The following ACACB variants were observed in gnomAD, a reference collection of about 807,000 sequenced individuals.
ACACB encodes the protein acetyl-CoA carboxylase 2.
In ACACB, 209 loss-of-function variants were observed where a neutral mutation model predicts 278.8. That is an observed-to-expected ratio of 0.75 (90% CI 0.67 to 0.84). ACACB has a LOEUF of 0.84. Ranked by LOEUF, ACACB falls within the 40% of genes least tolerant of loss-of-function variation. The probability of loss-of-function intolerance (pLI) is 0.00; values close to 1 mark genes in which losing one functional copy is unlikely to be tolerated. For synonymous variants in ACACB, 1,174 were observed against 1,285.6 expected (o/e 0.91, Z 1.86); for missense variants, 2,850 against 3,269.0 (o/e 0.87, Z 3.13).
intron 31 of ACACB, among the ~76,000 whole-genome samples, chr12:109,234,762 G>A (rs2046583422): frequency 6.6e-6 from 1 of 151,734 alleles, no homozygotes; most frequent in African/African-American, 2.4e-5. Flanking sequence ...AGAACACATG[G>A]GCAGAGGGAG....
chr12:109,202,135 T>TCC, intron 19 of ACACB, among the ~76,000 whole-genome samples: 1 of 152,242 alleles, frequency 6.6e-6, no homozygotes, highest in Non-Finnish European at 1.5e-5. Context: ...TCCAATGTCT[T>TCC]CCCCTCAATG....
chr12:109,225,495 A>G (rs1190493173), intron 27 of ACACB, among the ~76,000 whole-genome samples: 2 of 152,216 alleles, frequency 1.3e-5, no homozygotes, highest in Non-Finnish European at 2.9e-5. Flanking sequence ...GGCTCCCCAG[A>G]GTGCTGGGAT....
intron 35 of ACACB, among the ~76,000 whole-genome samples, chr12:109,240,503 TA>T (rs1172503799): frequency 1.3e-5 from 2 of 150,614 alleles, no homozygotes; most frequent in African/African-American, 2.4e-5. Flanking sequence ...CTAAAAATTT[TA>T]AAAATTAAAA....
rs1010433842 is a variant in ACACB, at chr12:109,145,816, C to T, written c.653+5758C>T. ...GAGTTTGAGACCAGCCTGGCCAACA[C>T]GGCAAAACCCCATCTCTACTAAAAA... On this transcript the variant is annotated intron_variant, in intron 2 of 52. Coordinates refer to ENST00000338432, the MANE Select transcript of ACACB (RefSeq NM_001093.4). Among the ~76,000 whole-genome samples, 15 of 150,818 alleles carry T rather than the reference C, an allele frequency of 9.9e-5. No individual in the cohort carries two copies. The South Asian group carries it at 1.7e-3, about 17-fold the overall frequency.
Position 109,191,908 on chromosome 12 carries a change from T to A in ACACB, c.2357T>A (p.Met786Lys), listed in dbSNP as rs2044904181. Reference protein sequence around the residue: ...VCGALNVADAMFRTCMTDFLH... With the variant: ...VCGALNVADAKFRTCMTDFLH... ...GGGGCCTTGAACGTGGCCGATGCGA[T>A]GTTCAGAACGTGCATGACAGATTTC... The change falls in exon 15 of 53, where the codon ATG becomes AAG. Residue 786 changes from methionine to lysine, a missense_variant. Transcript: ENST00000338432. The A allele has an allele frequency of 1.2e-6, 2 of 1,614,070 alleles. No homozygotes were observed. The highest frequency in any genetic ancestry group is 2.2e-5 in the South Asian group (2 of 91,086).
At chr12:109,137,291 T>C (rs980373095) in intron 1 of ACACB, among the ~76,000 whole-genome samples, 1 of 152,218 alleles carries the variant, frequency 6.6e-6, no homozygotes, top group Non-Finnish European at 1.5e-5. Context: ...TAAGAAGTAC[T>C]TGGATTGTTT....
At chr12:109,256,299 T>A in intron 45 of ACACB, 63 bp downstream of exon 45, 1 of 1,401,058 alleles carries the variant, frequency 7.1e-7, no homozygotes, top group Non-Finnish European at 1.0e-6. Flanking sequence ...GGCCCCGAGG[T>A]GTGAGGCCAG....
At chr12:109,220,941 TG>T (rs1442994891) in intron 24 of ACACB, among the ~76,000 whole-genome samples, 3 of 152,188 alleles carry the variant, frequency 2.0e-5, no homozygotes, top group Non-Finnish European at 4.4e-5. Context: ...CTTAGATGTG[TG>T]GGGGGAAATT....
chr12:109,241,278 A>G lies in ACACB; in HGVS notation c.5019A>G (p.Gly1673=), dbSNP rs753132815. 6.2e-7 allele frequency: 1 copy of G among 1,613,932 alleles called. No individual in the cohort carries two copies. Among genetic ancestry groups the G allele is most frequent in the Non-Finnish European group, 8.5e-7 (1 of 1,179,968 alleles). ...LYKEVTDSRS[G]NIMFHSFGNK... is the part of the protein sequence containing the mutation. ...AAGAAGTGACTGACTCCAGATCTGG[A>G]AATGTAAGGCTGGCCCGCGCCGTGG... Residue 1673 remains glycine, a synonymous_variant, in exon 36 of 53, where the codon GGA becomes GGG. Transcript: ENST00000338432.
chr12:109,190,968 A>G (rs1170432635), intron 13 of ACACB, among the ~76,000 whole-genome samples: 5 of 152,218 alleles, frequency 3.3e-5, no homozygotes. Context: ...GTCAATAATT[A>G]TAACAATAAT....
At chr12:109,227,665 G>T (rs574958038) in intron 28 of ACACB, among the ~76,000 whole-genome samples, 176 bp downstream of exon 28, 3 of 152,186 alleles carry the variant, frequency 2.0e-5, no homozygotes, top group Non-Finnish European at 4.4e-5. Flanking sequence ...CTCTAACATG[G>T]TGATAATGCA....
chr12:109,156,683 G>T (rs1343904433), intron 2 of ACACB, among the ~76,000 whole-genome samples: 1 of 150,970 alleles, frequency 6.6e-6, no homozygotes, highest in East Asian at 1.9e-4. Context: ...ATTTTCTTAG[G>T]ATATGTTTAC....
chr12:109,172,141 C>A, intron 5 of ACACB, 134 bp from the exon 6 acceptor site: 1 of 905,484 alleles, frequency 1.1e-6, no homozygotes, highest in Non-Finnish European at 1.7e-6. Flanking sequence ...AGGCTGGTCT[C>A]GAACTCCTGG....
chr12:109,179,864 G>C, intron 10 of ACACB, 53 bp from the exon 11 acceptor site: 2 of 1,555,876 alleles, frequency 1.3e-6, no homozygotes, highest in South Asian at 1.2e-5. Flanking sequence ...ACCATTTACA[G>C]TTCCCTGAAA....
Position 109,174,101 on chromosome 12 carries a change from T to G in ACACB, c.1118-31T>G, listed in dbSNP as rs752010472. On this transcript the variant is annotated intron_variant, in intron 6 of 52. Coordinates refer to ENST00000338432, the MANE Select transcript of ACACB (RefSeq NM_001093.4). ...TCGAGGGTCTTGTGACTGACCGGATTCTGCTTCCCTTCTTGTCCCCGATTC... is the reference window on the plus strand; with the variant it reads ...TCGAGGGTCTTGTGACTGACCGGATGCTGCTTCCCTTCTTGTCCCCGATTC... 8 of 1,582,152 alleles carry G rather than the reference T, an allele frequency of 5.1e-6. 1 individual carries two copies. The highest frequency in any genetic ancestry group is 2.3e-5 in the South Asian group (2 of 87,068).
chr12:109,238,417 AAT>A (rs1306694792), intron 34 of ACACB, among the ~76,000 whole-genome samples: 10 of 139,236 alleles, frequency 7.2e-5, no homozygotes, highest in Non-Finnish European at 1.2e-4. Flanking sequence ...TATATATAAT[AAT>A]ATATATAATA....
chr12:109,252,184 G>A, intron 42 of ACACB, 28 bp downstream of exon 42: 1 of 1,493,330 alleles, frequency 6.7e-7, no homozygotes, highest in Non-Finnish European at 9.1e-7. Flanking sequence ...TGTGCAGAGT[G>A]GATCCTTGGG....
intron 28 of ACACB, among the ~76,000 whole-genome samples, chr12:109,232,426 C>G (rs549705602): frequency 7.9e-5 from 12 of 152,328 alleles, no homozygotes; most frequent in African/African-American, 2.9e-4. Flanking sequence ...ACTGGACTCT[C>G]ATGCATGAAT....
intron 13 of ACACB, among the ~76,000 whole-genome samples, chr12:109,188,828 T>TAA (rs935158062): frequency 2.0e-5 from 3 of 152,130 alleles, no homozygotes; most frequent in Non-Finnish European, 4.4e-5. Flanking sequence ...ACCCAAAGTG[T>TAA]AAAAGGTGCT....
Sources: gnomAD v4.1 joint callset for allele counts (sites outside exome capture counted in the v4.1 genomes callset) on GRCh38, gnomAD v4.1.1 for gene constraint, MANE v1.5 for transcripts, NCBI Gene and HGNC (gene_info 2026-07-23, HGNC 2026-07-21) for gene names.